Variants in CYP51A1 observed in about 807,000 individuals in gnomAD.
CYP51A1 encodes lanosterol 14-alpha demethylase.
In CYP51A1, 45 loss-of-function variants were observed where a neutral mutation model predicts 53.5. The observed-to-expected ratio is 0.84, with a 90% confidence interval of 0.66 to 1.08. The LOEUF is 1.08. Among genes scored for constraint, CYP51A1 ranks in the 50% least tolerant of loss-of-function variants. The probability of loss-of-function intolerance (pLI) is 0.00; values close to 1 mark genes in which losing one functional copy is unlikely to be tolerated. For missense variants in CYP51A1, 462 were observed against 621.7 expected (o/e 0.74, Z 2.73); for synonymous variants, 181 against 217.7 (o/e 0.83, Z 1.48).
At chr7:92,131,507 A>G (rs1247268002) in intron 2 of CYP51A1, among the ~76,000 whole-genome samples, 2 of 152,224 alleles carry the variant, frequency 1.3e-5, no homozygotes, top group Non-Finnish European at 1.5e-5. Context: ...AAAACTCAGA[A>G]CAGTGGCTTT....
At chr7:92,125,144 CAAAA>C (rs1232943204) in intron 5 of CYP51A1, among the ~76,000 whole-genome samples, 4 of 67,138 alleles carry the variant, frequency 6.0e-5, no homozygotes, top group Non-Finnish European at 6.6e-5. Context: ...ACTCCATCAC[CAAAA>C]AAAAAAAAAA....
chr7:92,128,937 G>A lies in CYP51A1; in HGVS notation c.411C>T (p.Tyr137=), dbSNP rs145450944. The A allele has an allele frequency of 5.6e-6, 9 of 1,612,546 alleles. No homozygotes were observed. The highest frequency in any genetic ancestry group is 1.1e-5 in the South Asian group (1 of 91,014). The change falls in exon 3 of 10, where the codon TAC becomes TAT. Residue 137 remains tyrosine (Y), a synonymous_variant. Coordinates refer to ENST00000003100, the MANE Select transcript of CYP51A1 (RefSeq NM_000786.4). ...KNEDLNAEDV[Y]SRLTTPVFGK... ...CAAACACAGGTGTTGTCAGGCGACT[G>A]TAGACATCTTCTGCATTCAGGTCTT... is the stretch of plus-strand genomic sequence containing the variant.
At chr7:92,131,304 G>C (rs1206346739) in intron 2 of CYP51A1, among the ~76,000 whole-genome samples, 1 of 152,198 alleles carries the variant, frequency 6.6e-6, no homozygotes, top group Non-Finnish European at 1.5e-5. Context: ...GAAGTAAATG[G>C]CTTAACTGGC....
At chr7:92,131,015 A>G (rs1182609017) in intron 2 of CYP51A1, among the ~76,000 whole-genome samples, 1 of 152,180 alleles carries the variant, frequency 6.6e-6, no homozygotes, top group African/African-American at 2.4e-5. Flanking sequence ...GAACACAATG[A>G]AAAGATGCGG....
intron 9 of CYP51A1, 54 bp from the exon 10 acceptor site, chr7:92,113,897 T>C: frequency 8.2e-7 from 1 of 1,215,136 alleles, no homozygotes; most frequent in South Asian, 1.5e-5. Context: ...TCATCCTTTT[T>C]AGCCTGGGGT....
Position 92,134,433 on chromosome 7 carries a change from T to C in CYP51A1, c.-69A>G, listed in dbSNP as rs1820001129. ...TCCCAATCGACGGAACGAGAGAAGC[T>C]GGCAGATGGTCGTCCACAGGGGGCC... On this transcript the variant is annotated 5_prime_UTR_variant, in exon 1 of 10. Transcript: ENST00000003100. 10 of 1,452,846 alleles carry C rather than the reference T, an allele frequency of 6.9e-6. No individual in the cohort carries two copies. Among genetic ancestry groups the C allele is most frequent in the Non-Finnish European group, 9.2e-6 (10 of 1,088,096 alleles). 90.0% of individuals were successfully genotyped at this position (1,452,846 alleles called of 1,614,324 possible).
At chr7:92,134,786 G>T, upstream of CYP51A1, 1 of 176,202 alleles carries the variant, frequency 5.7e-6, no homozygotes, top group Non-Finnish European at 1.2e-5. Context: ...GAGCTCGAGC[G>T]GCGACGGCGC....
rs1584639356 is a variant in CYP51A1, at chr7:92,131,876, C to A, written c.193-4G>T. On this transcript the variant is annotated splice_polypyrimidine_tract_variant and splice_region_variant and intron_variant, in intron 1 of 9. Coordinates refer to ENST00000003100, the MANE Select transcript of CYP51A1 (RefSeq NM_000786.4). ...AGAAAATGTATGGAGGACTTTTCTA[C>A]AAGAGAAAAAAATAGTAAATTCAAT... The A allele has an allele frequency of 6.6e-7, 1 of 1,517,914 alleles. No individual in the cohort carries two copies. Among genetic ancestry groups the A allele is most frequent in the Non-Finnish European group, 9.1e-7 (1 of 1,096,036 alleles). 94.0% of individuals were successfully genotyped at this position (1,517,914 alleles called of 1,614,324 possible). A position where few individuals can be genotyped will look rare whatever the true frequency, so the allele number is the denominator to read the frequency against.
At position 92,128,944 on chromosome 7, in the gene CYP51A1, T is replaced by C. The variant is rs1441644451; in HGVS notation, c.404A>G (p.Asp135Gly). Residue 135 changes from aspartate (D) to glycine (G), a missense_variant, in exon 3 of 10, where the codon GAT becomes GGT. By Grantham distance (94) the Asp-to-Gly change is moderately conservative (BLOSUM62 -1). Transcript: ENST00000003100. The part of the protein sequence containing the change: ...NSKNEDLNAE[D>G]VYSRLTTPVF... ...AGGTGTTGTCAGGCGACTGTAGACA[T>C]CTTCTGCATTCAGGTCTTCATTTTT... 1 of 1,612,790 alleles carries C rather than the reference T, an allele frequency of 6.2e-7. No individual in the cohort carries two copies. The highest frequency in any genetic ancestry group is 1.3e-5 in the African/African-American group (1 of 74,884).
chr7:92,113,879 A>G (rs1563175917), intron 9 of CYP51A1, 36 bp from the exon 10 acceptor site: 1 of 1,440,392 alleles, frequency 6.9e-7, no homozygotes, highest in Middle Eastern at 1.8e-4. Flanking sequence ...ATCAGTTTAA[A>G]TTCTTTCTCA....
rs1322293569 is a variant in CYP51A1 at position 92,113,781 on chromosome 7, T to C, written c.1414A>G (p.Met472Val). Residue 472 changes from methionine to valine, a missense_variant, in exon 10 of 10, where the codon ATG (methionine) becomes GTG (valine). Met to Val is a conservative substitution (Grantham distance 21, BLOSUM62 1). Coordinates refer to ENST00000003100, the MANE Select transcript of CYP51A1 (RefSeq NM_000786.4). Reference protein sequence around the residue: ...YVQIKTIWSTMLRLYEFDLID... With the variant: ...YVQIKTIWSTVLRLYEFDLID... ...AGATCAAATTCATATAAACGAAGCA[T>C]AGTGGACCAAATTGTCTTAATTTGA... 1 of 1,612,938 alleles carries C rather than the reference T, an allele frequency of 6.2e-7. No individual in the cohort carries two copies. Among genetic ancestry groups the C allele is most frequent in the Non-Finnish European group, 8.5e-7 (1 of 1,179,482 alleles).
At chr7:92,118,334 T>G (rs1031512817) in intron 8 of CYP51A1, among the ~76,000 whole-genome samples, 186 bp downstream of exon 8, 1 of 151,978 alleles carries the variant, frequency 6.6e-6, no homozygotes, top group African/African-American at 2.4e-5. Flanking sequence ...TTAGAAAAAA[T>G]TTTGTAGAGA....
At chr7:92,123,661 G>T in intron 6 of CYP51A1, 73 bp downstream of exon 6, 1 of 1,400,828 alleles carries the variant, frequency 7.1e-7, no homozygotes, top group Non-Finnish European at 9.6e-7. Context: ...TTTTTAACTG[G>T]AAATACTATT....
chr7:92,131,490 T>C (rs1203494596), intron 2 of CYP51A1, among the ~76,000 whole-genome samples: 4 of 152,120 alleles, frequency 2.6e-5, no homozygotes, highest in South Asian at 2.1e-4. Flanking sequence ...TGACAATAAG[T>C]GAATAGAAAA....
At chr7:92,118,706 C>G in intron 7 of CYP51A1, 91 bp from the exon 8 acceptor site, 3 of 740,832 alleles carry the variant, frequency 4.0e-6, no homozygotes, top group African/African-American at 1.7e-5. Context: ...TACAAGACAG[C>G]TTGCATTCCA....
At chr7:92,123,005 G>C in intron 7 of CYP51A1, 115 bp downstream of exon 7, 1 of 741,246 alleles carries the variant, frequency 1.3e-6, no homozygotes, top group Non-Finnish European at 2.2e-6. Flanking sequence ...TAAAAATAGA[G>C]AAGCTGATCA....
At chr7:92,134,049 GC>G in intron 1 of CYP51A1, 123 bp downstream of exon 1, 1 of 897,362 alleles carries the variant, frequency 1.1e-6, no homozygotes, top group East Asian at 3.1e-5. Context: ...GCCAAGCATG[GC>G]CGCAGTCGCC....
intron 2 of CYP51A1, among the ~76,000 whole-genome samples, chr7:92,129,730 A>C (rs1023241826): frequency 6.6e-6 from 1 of 152,250 alleles, no homozygotes; most frequent in Non-Finnish European, 1.5e-5. Flanking sequence ...CAAATTAATC[A>C]AATAATCACA....
At position 92,113,783 on chromosome 7, in the gene CYP51A1, G is replaced by C; in HGVS notation, c.1412C>G (p.Thr471Ser). 6.2e-7 allele frequency: 1 copy of C among 1,612,714 alleles called. No homozygotes were observed. The highest frequency in any genetic ancestry group is 2.2e-5 in the East Asian group (1 of 44,746). ...ATCAAATTCATATAAACGAAGCATA[G>C]TGGACCAAATTGTCTTAATTTGAAC... The part of the protein sequence containing the change: ...AYVQIKTIWS[T>S]MLRLYEFDLI... The change falls in exon 10 of 10, where the codon ACT (threonine) becomes AGT (serine). Residue 471 changes from threonine (T) to serine (S), a missense_variant. Transcript: ENST00000003100.
Sources: gnomAD v4.1 joint callset for allele counts (sites outside exome capture counted in the v4.1 genomes callset) on GRCh38, gnomAD v4.1.1 for gene constraint, MANE v1.5 for transcripts, NCBI Gene and HGNC (gene_info 2026-07-23, HGNC 2026-07-21) for gene names.